Variants in USP14 observed in about 807,000 individuals in gnomAD.
USP14 encodes the protein ubiquitin carboxyl-terminal hydrolase 14.
Under a neutral mutation model 76.5 loss-of-function variants are expected in USP14, and 38 were observed. The ratio of observed to expected loss-of-function variants is 0.50; its 90% confidence interval spans 0.38 to 0.65. USP14 has a LOEUF of 0.65. Among genes scored for constraint, USP14 ranks in the 30% least tolerant of loss-of-function variants. USP14 has a pLI of 0.00. For missense variants in USP14, 467 were observed against 586.5 expected, an observed-to-expected ratio of 0.80 and a Z score of 2.10; for synonymous variants, 192 against 191.7, an observed-to-expected ratio of 1.00 and a Z score of -0.01.
intron 3 of USP14, among the ~76,000 whole-genome samples, chr18:173,777 A>AT (rs1201347668): frequency 6.6e-6 from 1 of 152,132 alleles, no homozygotes; most frequent in Non-Finnish European, 1.5e-5. Context: ...GGTTGAGGTT[A>AT]TTTTTTTCAC....
At chr18:201,920 G>T (rs1164519821) in intron 10 of USP14, among the ~76,000 whole-genome samples, 5 of 151,996 alleles carry the variant, frequency 3.3e-5, no homozygotes, top group African/African-American at 4.8e-5. Flanking sequence ...GATAATTCTT[G>T]AGTAATTTGG....
chr18:189,102 A>G (rs945196676), intron 5 of USP14, among the ~76,000 whole-genome samples: 11 of 151,356 alleles, frequency 7.3e-5, no homozygotes, highest in African/African-American at 2.7e-4. Context: ...TTGGACCTGT[A>G]TGGTTTTTTT....
intron 5 of USP14, among the ~76,000 whole-genome samples, chr18:182,280 C>A (rs1199346784): frequency 1.3e-5 from 2 of 152,156 alleles, no homozygotes; most frequent in Non-Finnish European, 2.9e-5. Context: ...TAAATTTATA[C>A]AACTGTCTTG....
chr18:171,720 A>C (rs1215766991), intron 3 of USP14, among the ~76,000 whole-genome samples: 1 of 152,206 alleles, frequency 6.6e-6, no homozygotes, highest in African/African-American at 2.4e-5. Context: ...GTTTCCCTAT[A>C]AAGTTATTTC....
intron 3 of USP14, among the ~76,000 whole-genome samples, chr18:170,700 C>G (rs1486355566): frequency 1.3e-5 from 2 of 152,062 alleles, no homozygotes; most frequent in Non-Finnish European, 2.9e-5. Context: ...CTCTTTAATT[C>G]TGTGAAGGCT....
At chr18:189,780 C>T (rs762742728) in intron 5 of USP14, among the ~76,000 whole-genome samples, 1 of 151,914 alleles carries the variant, frequency 6.6e-6, no homozygotes, top group Non-Finnish European at 1.5e-5. Flanking sequence ...ATGCCTGGCG[C>T]GTTTATTTTT....
At chr18:165,446 C>T (rs1407029901) in intron 2 of USP14, among the ~76,000 whole-genome samples, 2 of 152,142 alleles carry the variant, frequency 1.3e-5, no homozygotes, top group Non-Finnish European at 2.9e-5. Context: ...ACTTCATAGC[C>T]TAATCTATGC....
At chr18:162,487 A>T (rs1001328517) in intron 1 of USP14, among the ~76,000 whole-genome samples, 9 of 152,210 alleles carry the variant, frequency 5.9e-5, no homozygotes, top group Admixed American at 5.9e-4. Context: ...TTCAGAAATG[A>T]CACTTTTCAA....
chr18:199,171 G>T, intron 9 of USP14, 31 bp from the exon 10 acceptor site: 2 of 1,397,980 alleles, frequency 1.4e-6, no homozygotes, highest in Non-Finnish European at 2.0e-6. Context: ...TTGAATACCC[G>T]TTGGCATATT....
At chr18:196,523 CAA>C (rs370840175) in intron 6 of USP14, 112 bp from the exon 7 acceptor site, 1,931 of 953,346 alleles carry the variant, frequency 2.0e-3, no homozygotes, top group South Asian at 2.9e-3. Flanking sequence ...GACTCCATCT[CAA>C]AAAAAAAAAA....
At chr18:181,825 C>T (rs190960094) in intron 5 of USP14, among the ~76,000 whole-genome samples, 1 of 152,000 alleles carries the variant, frequency 6.6e-6, no homozygotes, top group Admixed American at 6.6e-5. Context: ...CAAAGACTTA[C>T]TTCTTTGTTG....
At chr18:200,438 G>A (rs1034029028) in intron 10 of USP14, among the ~76,000 whole-genome samples, 3 of 152,172 alleles carry the variant, frequency 2.0e-5, no homozygotes, top group East Asian at 1.9e-4. Context: ...GCATGTAGTC[G>A]TTCTGCCATT....
Position 163,349 on chromosome 18 carries a change from T to C in USP14, c.58T>C (p.Leu20=). The C allele has an allele frequency of 1.9e-6, 3 of 1,613,904 alleles. No homozygotes were observed. The highest frequency in any genetic ancestry group is 2.5e-6 in the Non-Finnish European group (3 of 1,179,896). ...WGKEKFEGVE[L]NTDEPPMVFK... Reference sequence around the variant, plus strand: ...AAAGGAGAAATTTGAAGGTGTAGAATTGAATACAGATGAACCTCCAATGGT... The same window carrying C: ...AAAGGAGAAATTTGAAGGTGTAGAACTGAATACAGATGAACCTCCAATGGT... Residue 20 remains leucine (L), a synonymous_variant, in exon 2 of 16, where the codon TTG becomes CTG. Transcript: ENST00000261601.
chr18:204,075 AG>A (rs1422232865), intron 12 of USP14, among the ~76,000 whole-genome samples: 1 of 152,204 alleles, frequency 6.6e-6, no homozygotes, highest in African/African-American at 2.4e-5. Context: ...CAGTATACTT[AG>A]CGTTGTATGA....
At chr18:189,513 T>TCA (rs1161562828) in intron 5 of USP14, among the ~76,000 whole-genome samples, 2 of 152,024 alleles carry the variant, frequency 1.3e-5, no homozygotes, top group Non-Finnish European at 2.9e-5. Flanking sequence ...AGAAGGAGTC[T>TCA]CACTCTGCCT....
intron 3 of USP14, among the ~76,000 whole-genome samples, chr18:171,490 G>T (rs1909462869): frequency 1.3e-5 from 2 of 152,114 alleles, no homozygotes; most frequent in African/African-American, 4.8e-5. Flanking sequence ...TTATAGTATG[G>T]AGTACTGAAT....
chr18:160,506 G>C (rs1909086921), intron 1 of USP14, among the ~76,000 whole-genome samples: 2 of 152,134 alleles, frequency 1.3e-5, no homozygotes, highest in Non-Finnish European at 1.5e-5. Context: ...CTGGGTGACA[G>C]AGCAAGACCC....
intron 3 of USP14, among the ~76,000 whole-genome samples, chr18:176,803 A>G (rs187785374): frequency 2.6e-5 from 4 of 152,152 alleles, no homozygotes; most frequent in Admixed American, 2.6e-4. Flanking sequence ...TTGTTGTGGT[A>G]TGGTATGAAG....
chr18:184,359 A>G (rs760643555), intron 5 of USP14, among the ~76,000 whole-genome samples: 2 of 152,212 alleles, frequency 1.3e-5, no homozygotes, highest in African/African-American at 4.8e-5. Context: ...AGAATGAAAG[A>G]ACAGAAAAAC....
Sources: allele counts gnomAD v4.1 joint callset (sites outside exome capture counted in the v4.1 genomes callset), GRCh38; gene constraint gnomAD v4.1.1; transcripts MANE v1.5; gene names NCBI Gene and HGNC (gene_info 2026-07-23, HGNC 2026-07-21).